VPS8: variants seen among roughly 807,000 people sequenced by gnomAD.
VPS8 encodes the protein VPS8 subunit of CORVET complex, also known as vacuolar protein sorting-associated protein 8 homolog.
VPS8 carries 129 observed loss-of-function variants against 216.4 expected under a neutral mutation model. The ratio of observed to expected loss-of-function variants is 0.60; its 90% confidence interval spans 0.52 to 0.69. The LOEUF (loss-of-function observed/expected upper bound fraction) is 0.69. Among genes scored for constraint, VPS8 ranks in the 30% least tolerant of loss-of-function variants. VPS8 has a pLI of 0.00. For missense variants in VPS8, 1,531 were observed against 1,683.5 expected, an observed-to-expected ratio of 0.91 and a Z score of 1.59; for synonymous variants, 571 against 565.4, an observed-to-expected ratio of 1.01 and a Z score of -0.14.
chr3:184,964,566 T>C lies in VPS8; in HGVS notation c.3273+9T>C. On this transcript the variant is annotated intron_variant, in intron 38 of 47. Coordinates refer to ENST00000625842, the MANE Select transcript of VPS8 (RefSeq NM_001009921.3). Reference sequence around the variant, plus strand: ...TCCTAATAATGTTAGAGGTAACACTTTACTATGTTTCTTTCATCATATTTC... The same window carrying C: ...TCCTAATAATGTTAGAGGTAACACTCTACTATGTTTCTTTCATCATATTTC... 1 of 1,439,602 alleles carries C rather than the reference T, an allele frequency of 6.9e-7. No homozygotes were observed. The highest frequency in any genetic ancestry group is 9.3e-7 in the Non-Finnish European group (1 of 1,073,084). The allele number at this position is 1,439,602 out of a possible 1,614,324, so 89.2% of individuals were successfully genotyped here. A position where few individuals can be genotyped will look rare whatever the true frequency, so the allele number is the denominator to read the frequency against.
In VPS8 at chr3:185,052,116, C is replaced by T. The variant is rs1714385911; in HGVS notation, c.*91C>T. The T allele has an allele frequency of 1.4e-6, 2 of 1,404,014 alleles. No homozygotes were observed. The highest frequency in any genetic ancestry group is 1.9e-6 in the Non-Finnish European group (2 of 1,060,112). The allele number at this position is 1,404,014 out of a possible 1,614,324, so 87.0% of individuals were successfully genotyped here. A position where few individuals can be genotyped will look rare whatever the true frequency, so the allele number is the denominator to read the frequency against. On this transcript the variant is annotated 3_prime_UTR_variant, in exon 48 of 48. Transcript: ENST00000625842. ...CCTCTGGTGGGCTTGGCCTCCACCA[C>T]CTCCCACGCTTCTGAGAAGAGGTTC...
At chr3:184,867,323 G>A (rs1002057235) in intron 17 of VPS8, among the ~76,000 whole-genome samples, 21 of 152,178 alleles carry the variant, frequency 1.4e-4, no homozygotes, top group Non-Finnish European at 1.8e-4. Flanking sequence ...ATGTATTGAG[G>A]TATTTGACTT....
chr3:184,834,295 C>G (rs1342227020), intron 4 of VPS8, among the ~76,000 whole-genome samples: 1 of 152,156 alleles, frequency 6.6e-6, no homozygotes, highest in Non-Finnish European at 1.5e-5. Context: ...TGATTTGATT[C>G]ATTTTCCTGC....
At chr3:184,820,482 T>C (rs1717339482) in intron 1 of VPS8, among the ~76,000 whole-genome samples, 1 of 152,232 alleles carries the variant, frequency 6.6e-6, no homozygotes, top group South Asian at 2.1e-4. Context: ...TAATTTAACC[T>C]GCAAAATCCC....
At chr3:184,975,138 T>G (rs767076628) in intron 40 of VPS8, among the ~76,000 whole-genome samples, 8 of 152,134 alleles carry the variant, frequency 5.3e-5, no homozygotes, top group Non-Finnish European at 1.0e-4. Flanking sequence ...ATCTACACAT[T>G]GCTTTGGGTA....
chr3:184,912,290 A>T (rs1736696740), intron 25 of VPS8, among the ~76,000 whole-genome samples: 1 of 152,204 alleles, frequency 6.6e-6, no homozygotes, highest in Non-Finnish European at 1.5e-5. Context: ...TAGAGGAAGA[A>T]GTCAAATATG....
chr3:184,824,949 A>G (rs1718417946), intron 2 of VPS8, 164 bp downstream of exon 2: 3 of 667,204 alleles, frequency 4.5e-6, no homozygotes, highest in East Asian at 6.0e-5. Context: ...TCTGTTGTCC[A>G]GGTTGGAGTA....
chr3:185,005,286 A>G (rs1390312268), intron 45 of VPS8, among the ~76,000 whole-genome samples: 3 of 152,192 alleles, frequency 2.0e-5, no homozygotes, highest in African/African-American at 7.2e-5. Context: ...CCGTTGTAGT[A>G]TAGCTTGAAG....
At chr3:184,923,242 G>A (rs1281744845) in intron 29 of VPS8, among the ~76,000 whole-genome samples, 3 of 151,926 alleles carry the variant, frequency 2.0e-5, no homozygotes, top group Non-Finnish European at 2.9e-5. Context: ...AATTCAGCTC[G>A]CCCAAAACAG....
intron 37 of VPS8, among the ~76,000 whole-genome samples, chr3:184,960,064 C>T (rs946795143): frequency 1.3e-5 from 2 of 152,012 alleles, no homozygotes. Context: ...ATTCGATTCC[C>T]ACCTATGAAT....
intron 26 of VPS8, among the ~76,000 whole-genome samples, chr3:184,914,556 CT>C (rs1420366673): frequency 6.6e-6 from 1 of 152,170 alleles, no homozygotes; most frequent in East Asian, 1.9e-4. Flanking sequence ...CTTTCCCCAT[CT>C]TTAATACCAT....
chr3:185,039,141 A>G (rs1264389450), intron 46 of VPS8, among the ~76,000 whole-genome samples: 1 of 152,134 alleles, frequency 6.6e-6, no homozygotes, highest in Non-Finnish European at 1.5e-5. Flanking sequence ...GAAGGTGGGG[A>G]AGGGAGCAGT....
rs74779127 is a variant in VPS8 at position 184,837,340 on chromosome 3, A to C, written c.448-1374A>C. On this transcript the variant is annotated intron_variant, in intron 5 of 47. Coordinates refer to ENST00000625842, the MANE Select transcript of VPS8 (RefSeq NM_001009921.3). ...TTTTGTTATAATGTTAATGAAGAAA[A>C]AACAATTGGTTTAAGTTGTTTTGCT... Among the ~76,000 whole-genome samples the C allele has an allele frequency of 3.5e-3, 535 of 152,358 alleles. 4 individuals carry two copies. The highest frequency in any genetic ancestry group is 0.012 in the African/African-American group (518 of 41,582).
intron 37 of VPS8, among the ~76,000 whole-genome samples, chr3:184,960,788 A>G (rs755777938): frequency 6.6e-6 from 1 of 152,228 alleles, no homozygotes; most frequent in African/African-American, 2.4e-5. Context: ...GAATAGGATC[A>G]CAGTTCACTG....
chr3:184,874,941 T>G (rs1324632965), intron 21 of VPS8, among the ~76,000 whole-genome samples: 1 of 152,166 alleles, frequency 6.6e-6, no homozygotes, highest in African/African-American at 2.4e-5. Context: ...AGGAGATGTA[T>G]TTCAGTTTAA....
intron 34 of VPS8, among the ~76,000 whole-genome samples, chr3:184,932,444 A>G (rs1010589624): frequency 6.6e-6 from 1 of 152,192 alleles, no homozygotes; most frequent in Non-Finnish European, 1.5e-5. Context: ...TTTGAAATTT[A>G]TAAAGCATTC....
intron 47 of VPS8, among the ~76,000 whole-genome samples, chr3:185,049,082 C>T (rs1038693661): frequency 3.3e-5 from 5 of 152,212 alleles, no homozygotes; most frequent in African/African-American, 9.6e-5. Context: ...ATGACTTAAA[C>T]TCGTATGGTT....
At chr3:184,882,854 A>T (rs1447075426) in intron 21 of VPS8, among the ~76,000 whole-genome samples, 1 of 152,100 alleles carries the variant, frequency 6.6e-6, no homozygotes, top group Non-Finnish European at 1.5e-5. Flanking sequence ...TAGAATTTTC[A>T]TAGTATTCCC....
At chr3:184,826,253 C>T in intron 3 of VPS8, 22 bp downstream of exon 3, 1 of 1,582,052 alleles carries the variant, frequency 6.3e-7, no homozygotes, top group Non-Finnish European at 8.6e-7. Context: ...TTAATGATTA[C>T]TGTCATTTTG....
Sources: allele counts gnomAD v4.1 joint callset (sites outside exome capture counted in the v4.1 genomes callset), GRCh38; gene constraint gnomAD v4.1.1; transcripts MANE v1.5; gene names NCBI Gene and HGNC (gene_info 2026-07-23, HGNC 2026-07-21).